C12orf42: variants seen among roughly 807,000 people sequenced by gnomAD.
C12orf42 encodes chromosome 12 open reading frame 42.
C12orf42 carries 25 observed loss-of-function variants against 21.6 expected under a neutral mutation model. The observed-to-expected ratio is 1.16, with a 90% CI of 0.84 to 1.62. The LOEUF is 1.62. Ranked by LOEUF, C12orf42 falls within the 40% of genes most tolerant of loss-of-function variation. The pLI is 0.00. For missense variants in C12orf42, 483 were observed against 459.3 expected (o/e 1.05, Z -0.47); for synonymous variants, 174 against 175.0 (o/e 0.99, Z 0.05).
intron 4 of C12orf42, among the ~76,000 whole-genome samples, chr12:103,325,718 C>T (rs946842122): frequency 1.3e-5 from 2 of 152,210 alleles, no homozygotes; most frequent in Admixed American, 1.3e-4. Flanking sequence ...CAATTCTTCA[C>T]CCTTCCTTTG....
chr12:103,077,435 A>G, the C12orf42 span, among the ~76,000 whole-genome samples: 1 of 152,228 alleles, frequency 6.6e-6, no homozygotes, highest in Non-Finnish European at 1.5e-5. Flanking sequence ...ATGCATAGAG[A>G]CTAAGCTTAT....
chr12:103,338,656 CT>C lies in C12orf42; in HGVS notation c.259+30230del, dbSNP rs1010072428. On this transcript the variant is annotated intron_variant, in intron 4 of 5. Transcript: ENST00000548883. ...TTTATTTTTTCCCAACATATTCGCC[CT>C]TTTTTTTAGAGCATAGATTTATTCT... Among the ~76,000 whole-genome samples, 301 of 152,110 alleles carry C rather than the reference CT, an allele frequency of 2.0e-3. 1 individual carries two copies. The highest frequency in any genetic ancestry group is 6.9e-3 in the African/African-American group (287 of 41,464).
At chr12:103,401,447 A>G (rs2047983953) in intron 3 of C12orf42, among the ~76,000 whole-genome samples, 160 bp downstream of exon 3, 1 of 152,204 alleles carries the variant, frequency 6.6e-6, no homozygotes, top group African/African-American at 2.4e-5. Context: ...GTTTTCTAGG[A>G]AATGTCTTTT....
chr12:103,359,615 A>T (rs1593601031), intron 4 of C12orf42, among the ~76,000 whole-genome samples: 1 of 152,230 alleles, frequency 6.6e-6, no homozygotes, highest in African/African-American at 2.4e-5. Flanking sequence ...GGCATAAAAC[A>T]AATCAGCATT....
At chr12:103,382,960 G>A (rs1477504641) in intron 3 of C12orf42, among the ~76,000 whole-genome samples, 1 of 152,070 alleles carries the variant, frequency 6.6e-6, no homozygotes, top group Non-Finnish European at 1.5e-5. Context: ...GGCCCAAGCA[G>A]CAAAGACACT....
downstream of C12orf42, among the ~76,000 whole-genome samples, chr12:103,297,141 G>A (rs1202625151): frequency 6.6e-6 from 1 of 152,034 alleles, no homozygotes; most frequent in Admixed American, 6.6e-5. Context: ...TCTTGTTTTT[G>A]TCAGGTTTGT....
At chr12:103,482,728 T>A (rs1207621158) in intron 1 of C12orf42, among the ~76,000 whole-genome samples, 1 of 152,134 alleles carries the variant, frequency 6.6e-6, no homozygotes, top group African/African-American at 2.4e-5. Flanking sequence ...CTTATGGAAT[T>A]CTGATTAAAT....
chr12:103,356,203 A>T (rs184175138), intron 4 of C12orf42, among the ~76,000 whole-genome samples: 1 of 151,906 alleles, frequency 6.6e-6, no homozygotes, highest in Non-Finnish European at 1.5e-5. Context: ...CCTTCTCTTG[A>T]TCATCTCATC....
chr12:103,297,509 G>A (rs28867426), downstream of C12orf42, among the ~76,000 whole-genome samples: 16 of 152,256 alleles, frequency 1.1e-4, no homozygotes, highest in African/African-American at 2.7e-4. Flanking sequence ...ATTCACAGCC[G>A]AATTCTACCA....
chr12:103,294,428 G>GAAAGAAAGAAAGAA (rs1555245896), intron 4 of C12orf42, among the ~76,000 whole-genome samples: 1 of 96,020 alleles, frequency 1.0e-5, no homozygotes. Context: ...AAAGGAGAGA[G>GAAAGAAAGAAAGAA]AGAAAGAAAG....
At chr12:103,097,895 A>G in the C12orf42 span, among the ~76,000 whole-genome samples, 3 of 152,182 alleles carry the variant, frequency 2.0e-5, no homozygotes, top group Non-Finnish European at 4.4e-5. Context: ...TTCCTCTGTG[A>G]CACGCTGTGG....
chr12:103,282,435 A>G (rs1274470638), intron 4 of C12orf42, among the ~76,000 whole-genome samples: 2 of 152,212 alleles, frequency 1.3e-5, no homozygotes, highest in African/African-American at 2.4e-5. Flanking sequence ...ATGTTTAGAT[A>G]CAATACTTAC....
At chr12:103,510,195 TG>T in the C12orf42 span, among the ~76,000 whole-genome samples, 1 of 152,212 alleles carries the variant, frequency 6.6e-6, no homozygotes, top group Non-Finnish European at 1.5e-5. Context: ...AACAAATTAA[TG>T]GTGTTTACAG....
chr12:103,500,211 G>A (rs546023777), upstream of C12orf42, among the ~76,000 whole-genome samples: 7 of 152,250 alleles, frequency 4.6e-5, no homozygotes, highest in East Asian at 1.4e-3. Context: ...GGGATCCTAA[G>A]AGAAGCCAAT....
At chr12:103,061,248 A>T in the C12orf42 span, among the ~76,000 whole-genome samples, 2 of 152,200 alleles carry the variant, frequency 1.3e-5, no homozygotes, top group Non-Finnish European at 2.9e-5. Flanking sequence ...TGGTGTTGAA[A>T]GTCTTAACTT....
chr12:103,502,156 T>C, the C12orf42 span, among the ~76,000 whole-genome samples: 2 of 152,158 alleles, frequency 1.3e-5, no homozygotes. Flanking sequence ...TCTAGAACAA[T>C]CTTTGCACCT....
At chr12:103,417,724 C>G (rs1020931026) in intron 2 of C12orf42, among the ~76,000 whole-genome samples, 3 of 152,122 alleles carry the variant, frequency 2.0e-5, no homozygotes, top group Non-Finnish European at 4.4e-5. Context: ...ACTGGGTAGA[C>G]GTTTGCACAA....
At chr12:103,331,802 G>C (rs1260652327) in intron 4 of C12orf42, among the ~76,000 whole-genome samples, 1 of 152,168 alleles carries the variant, frequency 6.6e-6, no homozygotes, top group Non-Finnish European at 1.5e-5. Context: ...CTAGATACAT[G>C]GAATTAAATA....
Position 103,422,850 on chromosome 12 carries a change from C to T in C12orf42, c.79-21175G>A, listed in dbSNP as rs552446292. ...GGGAACATTAAAAAAAAAAAAAAGA[C>T]ACAACACCCTTCAAAAGAAAAATAA... On this transcript the variant is annotated intron_variant, in intron 2 of 5. Coordinates refer to ENST00000548883, the MANE Select transcript of C12orf42 (RefSeq NM_198521.5). Among the ~76,000 whole-genome samples, 69 of 148,716 alleles carry T rather than the reference C, an allele frequency of 4.6e-4. 1 individual carries two copies. In the Middle Eastern group the frequency reaches 0.014, roughly 30 times the overall value.
Sources: allele counts gnomAD v4.1 joint callset (sites outside exome capture counted in the v4.1 genomes callset), GRCh38; gene constraint gnomAD v4.1.1; transcripts MANE v1.5; gene names NCBI Gene and HGNC (gene_info 2026-07-23, HGNC 2026-07-21).